The following RBFOX1 variants were observed in gnomAD, a reference collection of about 807,000 sequenced individuals.
The protein encoded by RBFOX1 is RNA binding protein fox-1 homolog 1.
Under a neutral mutation model 57.7 loss-of-function variants are expected in RBFOX1, and 8 were observed. That is an observed-to-expected ratio of 0.14 (90% confidence interval 0.08 to 0.25). The LOEUF is 0.25. Ranked by LOEUF, RBFOX1 falls within the 10% of genes least tolerant of loss-of-function variation. The probability of loss-of-function intolerance (pLI) is 1.00; values close to 1 mark genes in which losing one functional copy is unlikely to be tolerated. For missense variants in RBFOX1, 611 were observed against 548.5 expected (o/e 1.11, Z -1.14); for synonymous variants, 326 against 222.4 (o/e 1.47, Z -4.15).
intron 1 of RBFOX1, among the ~76,000 whole-genome samples, chr16:5,458,104 A>C (rs943279149): frequency 6.6e-6 from 1 of 152,194 alleles, no homozygotes; most frequent in African/African-American, 2.4e-5. Flanking sequence ...TCTCTTTACT[A>C]TTTCTATTTG....
chr16:6,148,083 C>T (rs140913440), intron 1 of RBFOX1, among the ~76,000 whole-genome samples: 155 of 152,338 alleles, frequency 1.0e-3, no homozygotes, highest in African/African-American at 3.6e-3. Flanking sequence ...AATCCCAGCA[C>T]TTCGGGAGGC....
At position 5,639,063 on chromosome 16, in the gene RBFOX1, C is replaced by G. The variant is rs143653890; in HGVS notation, c.318+40102C>G. On this transcript the variant is annotated intron_variant, in intron 3 of 19. Coordinates refer to the RBFOX1 transcript ENST00000641259. The stretch of plus-strand genomic sequence containing the variant: ...CTCTTGTCCTCTTCACTAACCCCAC[C>G]TTCTCATTTTCTTAATCTGTGAGAT... 7.0e-3 allele frequency among the ~76,000 whole-genome samples: 1,063 copies of G among 152,278 alleles called. 15 individuals carry two copies. Among genetic ancestry groups the G allele is most frequent in the African/African-American group, 0.022 (914 of 41,552 alleles).
chr16:5,531,371 C>T (rs1431378924), intron 2 of RBFOX1, among the ~76,000 whole-genome samples: 1 of 152,066 alleles, frequency 6.6e-6, no homozygotes, highest in African/African-American at 2.4e-5. Flanking sequence ...ACCGTTTGTC[C>T]ATGTTGTTAC....
chr16:5,486,806 A>C (rs567955010), intron 2 of RBFOX1, among the ~76,000 whole-genome samples: 1 of 150,018 alleles, frequency 6.7e-6, no homozygotes. Context: ...TTTTTCTTTT[A>C]ACTTAAATTT....
chr16:7,197,506 C>T (rs933835498), intron 4 of RBFOX1, among the ~76,000 whole-genome samples: 4 of 140,152 alleles, frequency 2.9e-5, no homozygotes, highest in African/African-American at 1.1e-4. Context: ...TAGTGTAAAA[C>T]TGTGTGGCCA....
At chr16:7,263,483 G>A (rs575810459) in intron 4 of RBFOX1, among the ~76,000 whole-genome samples, 1 of 152,268 alleles carries the variant, frequency 6.6e-6, no homozygotes, top group African/African-American at 2.4e-5. Flanking sequence ...TTAAACCAGT[G>A]TCTCTGGATT....
chr16:7,457,572 G>T (rs2058766437), intron 4 of RBFOX1, among the ~76,000 whole-genome samples: 1 of 152,156 alleles, frequency 6.6e-6, no homozygotes, highest in African/African-American at 2.4e-5. Flanking sequence ...GCTCTTTGAT[G>T]CTCTGTTCCT....
intron 4 of RBFOX1, among the ~76,000 whole-genome samples, chr16:7,435,609 TGGAAAA>T (rs1236278832): frequency 1.3e-5 from 2 of 152,140 alleles, no homozygotes; most frequent in African/African-American, 4.8e-5. Flanking sequence ...GACCATCAGG[TGGAAAA>T]TGCAAGATGA....
intron 3 of RBFOX1, among the ~76,000 whole-genome samples, chr16:7,032,164 C>T (rs776271635): frequency 3.3e-4 from 50 of 152,088 alleles, no homozygotes; most frequent in Non-Finnish European, 6.3e-4. Flanking sequence ...GTGGCCCACA[C>T]CTGTAATCCC....
At position 7,711,712 on chromosome 16, in the gene RBFOX1, A is replaced by C. The variant is rs1256113322; in HGVS notation, c.*967A>C. The C allele has an allele frequency of 6.5e-6, 1 of 152,676 alleles. No homozygotes were observed. Among genetic ancestry groups the C allele is most frequent in the East Asian group, 1.9e-4 (1 of 5,204 alleles). 9.5% of individuals were successfully genotyped at this position (152,676 alleles called of 1,614,324 possible). A position where few individuals can be genotyped will look rare whatever the true frequency, so the allele number is the denominator to read the frequency against. On this transcript the variant is annotated 3_prime_UTR_variant, in exon 16 of 16. Transcript: ENST00000550418. Reference sequence around the variant, plus strand: ...AGTGGAGTTGTTAAGTTCTAGAAACAGTCTATGAAGCTTTAGTTTTAGCCT... The same window carrying C: ...AGTGGAGTTGTTAAGTTCTAGAAACCGTCTATGAAGCTTTAGTTTTAGCCT...
rs199848991 is a variant in RBFOX1, at chr16:6,901,209, TAAG to T, written c.-15-150842_-15-150840del. Among the ~76,000 whole-genome samples the T allele has an allele frequency of 5.3e-5, 8 of 152,274 alleles. No homozygotes were observed. The East Asian group carries it at 1.3e-3, about 26-fold the overall frequency. On this transcript the variant is annotated intron_variant, in intron 3 of 15. Coordinates refer to ENST00000550418, the MANE Select transcript of RBFOX1 (RefSeq NM_018723.4). ...TCAATAAATATATACAGAAGGAAGA[TAAG>T]AAGAAAGAGAGGAAAGATCAGACTT...
At chr16:7,150,284 G>C (rs2075859539) in intron 4 of RBFOX1, among the ~76,000 whole-genome samples, 1 of 152,204 alleles carries the variant, frequency 6.6e-6, no homozygotes, top group African/African-American at 2.4e-5. Context: ...AACCTTGGCT[G>C]TGTCTCTTAA....
At chr16:6,791,133 C>T (rs896078327) in intron 3 of RBFOX1, among the ~76,000 whole-genome samples, 3 of 152,032 alleles carry the variant, frequency 2.0e-5, no homozygotes, top group African/African-American at 7.2e-5. Flanking sequence ...TCTCAAACTC[C>T]TGACCTCAAG....
intron 3 of RBFOX1, among the ~76,000 whole-genome samples, chr16:6,855,772 C>G (rs901103555): frequency 1.3e-5 from 2 of 150,736 alleles, no homozygotes; most frequent in African/African-American, 5.0e-5. Flanking sequence ...GTTTTATCCT[C>G]TACCTTTAGA....
chr16:6,786,040 T>C (rs2081904434), intron 3 of RBFOX1, among the ~76,000 whole-genome samples: 1 of 152,222 alleles, frequency 6.6e-6, no homozygotes, highest in Non-Finnish European at 1.5e-5. Flanking sequence ...CAAATGGTAG[T>C]GTCTGCACTG....
At chr16:6,207,815 G>A (rs541896472) in intron 1 of RBFOX1, among the ~76,000 whole-genome samples, 3 of 152,074 alleles carry the variant, frequency 2.0e-5, no homozygotes, top group Admixed American at 6.6e-5. Flanking sequence ...AGCCTGTTGC[G>A]TAGCTGGGAC....
chr16:6,229,621 C>G (rs1337859657), intron 1 of RBFOX1, among the ~76,000 whole-genome samples: 2 of 151,292 alleles, frequency 1.3e-5, no homozygotes, highest in Non-Finnish European at 2.9e-5. Context: ...GAAGAGGAAC[C>G]AGGAAGAAAT....
chr16:7,136,658 C>G (rs1189532074), intron 4 of RBFOX1, among the ~76,000 whole-genome samples: 1 of 152,124 alleles, frequency 6.6e-6, no homozygotes, highest in African/African-American at 2.4e-5. Flanking sequence ...CTCAAACAAT[C>G]CTCCTGCCTT....
At chr16:5,620,395 C>T (rs1225097152) in intron 3 of RBFOX1, among the ~76,000 whole-genome samples, 1 of 152,174 alleles carries the variant, frequency 6.6e-6, no homozygotes, top group Non-Finnish European at 1.5e-5. Flanking sequence ...TGAGTACTTT[C>T]TGTTCTCAGT....
Sources: gnomAD v4.1 joint callset for allele counts (sites outside exome capture counted in the v4.1 genomes callset) on GRCh38, gnomAD v4.1.1 for gene constraint, MANE v1.5 for transcripts, NCBI Gene and HGNC (gene_info 2026-07-23, HGNC 2026-07-21) for gene names.